Variants in FER1L6 observed in about 807,000 individuals in gnomAD.
FER1L6 encodes the protein fer-1 like family member 6, also known as fer-1-like protein 6.
FER1L6 carries 177 observed loss-of-function variants against 219.2 expected under a neutral mutation model. That is an observed-to-expected ratio of 0.81 (90% CI 0.71 to 0.91). The LOEUF is 0.91. FER1L6 is among the 40% of genes least tolerant of loss of function. FER1L6 has a pLI of 0.00. For synonymous variants in FER1L6, 768 were observed against 824.3 expected (o/e 0.93, Z 1.17); for missense variants, 2,153 against 2,259.9 (o/e 0.95, Z 0.96).
chr8:124,031,865 TA>T (rs1818981236), intron 18 of FER1L6, among the ~76,000 whole-genome samples: 1 of 152,186 alleles, frequency 6.6e-6, no homozygotes, highest in Admixed American at 6.5e-5. Flanking sequence ...TGAAAGCACC[TA>T]GGAAGGTGCT....
At chr8:123,881,668 T>C (rs1211623995) in intron 1 of FER1L6, among the ~76,000 whole-genome samples, 1 of 152,210 alleles carries the variant, frequency 6.6e-6, no homozygotes, top group Non-Finnish European at 1.5e-5. Context: ...GTAGACCCTG[T>C]GTGGCCCATC....
chr8:124,094,672 A>C (rs1822196596), intron 34 of FER1L6, among the ~76,000 whole-genome samples: 1 of 152,086 alleles, frequency 6.6e-6, no homozygotes, highest in South Asian at 2.1e-4. Flanking sequence ...TTTTTAGTAG[A>C]GAAAGGGTTT....
intron 33 of FER1L6, among the ~76,000 whole-genome samples, chr8:124,085,338 A>G (rs558088744): frequency 8.5e-5 from 13 of 152,058 alleles, no homozygotes; most frequent in Admixed American, 7.9e-4. Flanking sequence ...AAGTTTTTCT[A>G]CTTTTTTGAT....
intron 28 of FER1L6, 80 bp downstream of exon 28, chr8:124,067,886 G>T: frequency 8.6e-7 from 1 of 1,165,090 alleles, no homozygotes; most frequent in Non-Finnish European, 1.3e-6. Flanking sequence ...AGCCACGGGA[G>T]GTGTATTAGA....
intron 1 of FER1L6, among the ~76,000 whole-genome samples, chr8:123,882,698 C>T (rs1817129784): frequency 6.6e-6 from 1 of 151,848 alleles, no homozygotes; most frequent in African/African-American, 2.4e-5. Flanking sequence ...AGAAGAGGGC[C>T]CTTTCAGATA....
chr8:124,052,540 C>A (rs1235486515), intron 22 of FER1L6, among the ~76,000 whole-genome samples: 1 of 152,106 alleles, frequency 6.6e-6, no homozygotes, highest in Non-Finnish European at 1.5e-5. Flanking sequence ...AATCCCAGCA[C>A]TTTGGGAGGC....
At chr8:124,094,455 G>A (rs548269117) in intron 34 of FER1L6, among the ~76,000 whole-genome samples, 91 of 150,896 alleles carry the variant, frequency 6.0e-4, no homozygotes, top group South Asian at 1.3e-3. Flanking sequence ...TTTCTTTTTC[G>A]GTTTTTCTTT....
In FER1L6 at chr8:123,987,659, T is replaced by G. The variant is rs868500813; in HGVS notation, c.1519+1483T>G. ...TGTAGTAGCTTATAGTTTGAGGACTTAGATTTAAGTCTTTAATCCATTTTG... is the reference window on the plus strand; with the variant it reads ...TGTAGTAGCTTATAGTTTGAGGACTGAGATTTAAGTCTTTAATCCATTTTG... On this transcript the variant is annotated intron_variant, in intron 12 of 40. Coordinates refer to ENST00000522917, the MANE Select transcript of FER1L6 (RefSeq NM_001039112.2). Among the ~76,000 whole-genome samples the G allele has an allele frequency of 2.6e-5, 4 of 152,356 alleles. No individual in the cohort carries two copies. The South Asian group carries it at 8.3e-4, about 32-fold the overall frequency.
intron 1 of FER1L6, among the ~76,000 whole-genome samples, chr8:123,863,739 CTTCT>C (rs1292892827): frequency 6.8e-6 from 1 of 147,842 alleles, no homozygotes; most frequent in African/African-American, 2.5e-5. Flanking sequence ...ATGTAATGGC[CTTCT>C]TTGTCTCTTT....
intron 1 of FER1L6, among the ~76,000 whole-genome samples, chr8:123,888,046 T>A (rs1437166736): frequency 6.6e-6 from 1 of 152,142 alleles, no homozygotes; most frequent in Admixed American, 6.6e-5. Flanking sequence ...GCAGTTGGAT[T>A]GTGTTTTGAT....
intron 32 of FER1L6, among the ~76,000 whole-genome samples, chr8:124,080,240 A>G (rs1188088132): frequency 6.6e-6 from 1 of 152,126 alleles, no homozygotes; most frequent in African/African-American, 2.4e-5. Context: ...ATCTAGGGAT[A>G]GTACCTCATT....
intron 1 of FER1L6, among the ~76,000 whole-genome samples, chr8:123,948,556 C>A (rs1464858127): frequency 6.6e-6 from 1 of 151,832 alleles, no homozygotes; most frequent in Admixed American, 6.6e-5. Context: ...TAGACTTATT[C>A]CTGAGTTTTT....
At chr8:123,965,954 C>A in intron 3 of FER1L6, 53 bp from the exon 4 acceptor site, 1 of 1,439,626 alleles carries the variant, frequency 6.9e-7, no homozygotes, top group Non-Finnish European at 9.7e-7. Context: ...ATTATCATGA[C>A]TTATGGATAT....
At chr8:124,098,418 A>G (rs1224432412) in intron 37 of FER1L6, among the ~76,000 whole-genome samples, 1 of 152,068 alleles carries the variant, frequency 6.6e-6, no homozygotes, top group Non-Finnish European at 1.5e-5. Context: ...GGTGATTTAA[A>G]TCTGTACCTT....
At chr8:124,093,920 G>A (rs1329818639) in intron 34 of FER1L6, among the ~76,000 whole-genome samples, 1 of 129,208 alleles carries the variant, frequency 7.7e-6, no homozygotes, top group African/African-American at 2.8e-5. Context: ...GGGGCACTGT[G>A]GCCCCTTTTT....
Position 123,965,989 on chromosome 8 carries a change from TAA to T in FER1L6, c.198-16_198-15del. Reference sequence around the variant, plus strand: ...TTCTTCCTTGATGAAACAAACATATTAAACTTTCTTTTAATAGATCAAAACTG... The same window carrying T: ...TTCTTCCTTGATGAAACAAACATATTACTTTCTTTTAATAGATCAAAACTG... On this transcript the variant is annotated splice_polypyrimidine_tract_variant and intron_variant, in intron 3 of 40. Transcript: ENST00000522917. 1.2e-6 allele frequency: 2 copies of T among 1,604,970 alleles called. No individual in the cohort carries two copies. Among genetic ancestry groups the T allele is most frequent in the Middle Eastern group, 1.7e-4 (1 of 6,034 alleles).
chr8:123,971,155 T>C (rs1305293086), intron 6 of FER1L6, among the ~76,000 whole-genome samples: 1 of 152,212 alleles, frequency 6.6e-6, no homozygotes, highest in Non-Finnish European at 1.5e-5. Flanking sequence ...CAATATAATA[T>C]CTAAACAGAT....
At chr8:123,918,744 C>T (rs1180185078) in intron 1 of FER1L6, among the ~76,000 whole-genome samples, 1 of 152,086 alleles carries the variant, frequency 6.6e-6, no homozygotes, top group African/African-American at 2.4e-5. Flanking sequence ...TCAGTTTCAG[C>T]AGTGATTGAA....
chr8:124,066,062 G>T (rs145149513), intron 26 of FER1L6, among the ~76,000 whole-genome samples: 215 of 152,354 alleles, frequency 1.4e-3, no homozygotes, highest in Non-Finnish European at 2.3e-3. Context: ...ACCCAGGTCA[G>T]TATGAAGCTA....
Sources: allele counts gnomAD v4.1 joint callset (sites outside exome capture counted in the v4.1 genomes callset), GRCh38; gene constraint gnomAD v4.1.1; transcripts MANE v1.5; gene names NCBI Gene and HGNC (gene_info 2026-07-23, HGNC 2026-07-21).